Variants in LDLRAD4 observed in about 807,000 individuals in gnomAD.
LDLRAD4 encodes the protein low density lipoprotein receptor class A domain containing 4, also known as low-density lipoprotein receptor class A domain-containing protein 4.
In LDLRAD4, 5 loss-of-function variants were observed where a neutral mutation model predicts 17.0. The observed-to-expected ratio is 0.29, with a 90% CI of 0.15 to 0.62. The LOEUF (loss-of-function observed/expected upper bound fraction) is 0.62, where lower values mean the gene tolerates loss of function less well. Among genes scored for constraint, LDLRAD4 ranks in the 20% least tolerant of loss-of-function variants. The pLI, the probability that LDLRAD4 is intolerant of heterozygous loss-of-function variation, is 0.84. For missense variants in LDLRAD4, 340 were observed against 424.7 expected, an observed-to-expected ratio of 0.80 and a Z score of 1.75; for synonymous variants, 168 against 171.8, an observed-to-expected ratio of 0.98 and a Z score of 0.17.
intron 1 of LDLRAD4, chr18:13,280,253 T>C (rs1198598963): frequency 6.6e-6 from 1 of 152,252 alleles, no homozygotes; most frequent in Non-Finnish European, 1.5e-5. Flanking sequence ...AGACCTTGGG[T>C]TGAGTTCTGG....
chr18:13,257,235 A>T (rs2043557716), intron 1 of LDLRAD4, among the ~76,000 whole-genome samples: 1 of 152,310 alleles, frequency 6.6e-6, no homozygotes, highest in Admixed American at 6.5e-5. Flanking sequence ...TGAATCGTGG[A>T]GAATAAAAAT....
chr18:13,361,798 AG>A (rs2083689061), intron 1 of LDLRAD4, among the ~76,000 whole-genome samples: 1 of 152,184 alleles, frequency 6.6e-6, no homozygotes, highest in East Asian at 1.9e-4. Flanking sequence ...GCATGATGTC[AG>A]CTGCATTCTT....
At chr18:13,363,010 G>C (rs1029757048) in intron 1 of LDLRAD4, among the ~76,000 whole-genome samples, 1 of 152,094 alleles carries the variant, frequency 6.6e-6, no homozygotes, top group East Asian at 1.9e-4. Flanking sequence ...AATGCCAACC[G>C]GCAGCAAAGG....
intron 1 of LDLRAD4, among the ~76,000 whole-genome samples, chr18:13,329,442 A>G (rs1048342388): frequency 6.6e-6 from 1 of 152,074 alleles, no homozygotes; most frequent in Non-Finnish European, 1.5e-5. Flanking sequence ...AGCTGTTTGT[A>G]TTTCATTTTC....
At position 13,252,231 on chromosome 18, in the gene LDLRAD4, TCTC is replaced by T. The variant is rs1326531100; in HGVS notation, c.-466-25871_-466-25869del. Among the ~76,000 whole-genome samples, 6 of 152,306 alleles carry T rather than the reference TCTC, an allele frequency of 3.9e-5. No individual in the cohort carries two copies. The East Asian group carries it at 1.2e-3, about 29-fold the overall frequency. ...CCTCCACCTCCTGGGTTCAAGCAAT[TCTC>T]CTGCCTCAGCCTCTGGATGGAGTAG... On this transcript the variant is annotated intron_variant, in intron 1 of 5. Coordinates refer to the LDLRAD4 transcript ENST00000399848.
rs201877253 is a variant in LDLRAD4, at chr18:13,250,419, CA to C, written c.-466-27680del. On this transcript the variant is annotated intron_variant, in intron 1 of 5. Coordinates refer to the LDLRAD4 transcript ENST00000399848. ...AGAGCAGAAATACACAAAATTGAGA[CA>C]AAAAACAAAGATCAATGAAACAAAA... Among the ~76,000 whole-genome samples the C allele has an allele frequency of 4.6e-3, 690 of 149,802 alleles. 6 individuals carry two copies. Among genetic ancestry groups the C allele is most frequent in the African/African-American group, 0.016 (658 of 40,626 alleles).
intron 1 of LDLRAD4, among the ~76,000 whole-genome samples, chr18:13,247,392 G>C (rs1187832926): frequency 6.6e-6 from 1 of 152,190 alleles, no homozygotes; most frequent in Admixed American, 6.5e-5. Flanking sequence ...GAAAACCATA[G>C]ACTTGACTTG....
intron 1 of LDLRAD4, among the ~76,000 whole-genome samples, chr18:13,309,271 G>C (rs1422251690): frequency 6.6e-6 from 1 of 152,204 alleles, no homozygotes; most frequent in Non-Finnish European, 1.5e-5. Context: ...GGTTCTTAGA[G>C]TGCCATTCTA....
intron 1 of LDLRAD4, among the ~76,000 whole-genome samples, chr18:13,243,703 T>TA (rs1417762237): frequency 2.2e-5 from 3 of 138,646 alleles, no homozygotes; most frequent in African/African-American, 8.3e-5. Context: ...AGCCACCACC[T>TA]ACCCATCCAC....
chr18:13,629,971 C>G (rs977206941), intron 4 of LDLRAD4, among the ~76,000 whole-genome samples: 5 of 152,154 alleles, frequency 3.3e-5, no homozygotes, highest in Non-Finnish European at 5.9e-5. Flanking sequence ...GCAACTGGTG[C>G]TGAAATCAGG....
chr18:13,488,642 A>G (rs2093289737), intron 3 of LDLRAD4: 1 of 152,250 alleles, frequency 6.6e-6, no homozygotes, highest in Non-Finnish European at 1.5e-5. Flanking sequence ...CCCATCACCT[A>G]GAATCTGTTG....
At chr18:13,515,961 T>A (rs1331618364) in intron 3 of LDLRAD4, 3 of 152,132 alleles carry the variant, frequency 2.0e-5, no homozygotes. Flanking sequence ...TACAGGCACA[T>A]GCCACCATGC....
intron 1 of LDLRAD4, among the ~76,000 whole-genome samples, chr18:13,294,475 T>C (rs181458890): frequency 1.3e-5 from 2 of 152,248 alleles, no homozygotes; most frequent in Admixed American, 6.5e-5. Flanking sequence ...TATAGAAGAG[T>C]GAGTTACGTC....
At chr18:13,492,373 C>T (rs2093377203) in intron 3 of LDLRAD4, among the ~76,000 whole-genome samples, 1 of 152,248 alleles carries the variant, frequency 6.6e-6, no homozygotes, top group East Asian at 1.9e-4. Flanking sequence ...CGTCCTTTCA[C>T]AGCCCAGCAT....
intron 3 of LDLRAD4, among the ~76,000 whole-genome samples, chr18:13,477,924 C>T (rs1039846915): frequency 6.6e-6 from 1 of 152,116 alleles, no homozygotes; most frequent in Non-Finnish European, 1.5e-5. Flanking sequence ...TCCGTGGTCC[C>T]GGGCTCGGAT....
intron 1 of LDLRAD4, among the ~76,000 whole-genome samples, chr18:13,295,768 A>G (rs2046237231): frequency 6.6e-6 from 1 of 152,260 alleles, no homozygotes; most frequent in Non-Finnish European, 1.5e-5. Flanking sequence ...CTATGAGGCT[A>G]TAAGCCTTCT....
At chr18:13,221,474 A>C (rs1406154567) in intron 1 of LDLRAD4, among the ~76,000 whole-genome samples, 3 of 152,210 alleles carry the variant, frequency 2.0e-5, no homozygotes, top group Non-Finnish European at 4.4e-5. Context: ...GATGAGTCTT[A>C]AGTTTCAAAA....
intron 1 of LDLRAD4, among the ~76,000 whole-genome samples, chr18:13,289,041 T>C (rs1405346175): frequency 1.3e-5 from 2 of 152,326 alleles, no homozygotes; most frequent in East Asian, 1.9e-4. Context: ...CTGGGGACTT[T>C]TAGAAACACC....
At chr18:13,245,408 A>G (rs2042907360) in intron 1 of LDLRAD4, among the ~76,000 whole-genome samples, 1 of 152,226 alleles carries the variant, frequency 6.6e-6, no homozygotes, top group Non-Finnish European at 1.5e-5. Flanking sequence ...AGGAAATACT[A>G]CCACACCTAA....
Sources: allele counts gnomAD v4.1 joint callset (sites outside exome capture counted in the v4.1 genomes callset), GRCh38; gene constraint gnomAD v4.1.1; transcripts MANE v1.5; gene names NCBI Gene and HGNC (gene_info 2026-07-23, HGNC 2026-07-21).